SOX5: variants seen among roughly 807,000 people sequenced by gnomAD.
SOX5 encodes the protein transcription factor SOX-5.
SOX5 carries 9 observed loss-of-function variants against 92.0 expected under a neutral mutation model. The observed-to-expected ratio is 0.10, with a 90% CI of 0.06 to 0.17. SOX5 has a LOEUF of 0.17. Among genes scored for constraint, SOX5 ranks in the 10% least tolerant of loss-of-function variants. The pLI, the probability that SOX5 is intolerant of heterozygous loss-of-function variation, is 1.00. For synonymous variants in SOX5, 344 were observed against 336.3 expected, an observed-to-expected ratio of 1.02 and a Z score of -0.25; for missense variants, 642 against 944.5, an observed-to-expected ratio of 0.68 and a Z score of 4.20.
chr12:24,120,125 A>C (rs1244715099), intron 4 of SOX5, among the ~76,000 whole-genome samples: 2 of 152,160 alleles, frequency 1.3e-5, no homozygotes. Flanking sequence ...GATACTCTGA[A>C]CATTCTAGTA....
rs371480644 is a variant in SOX5, at chr12:23,600,522, C to CATATATATATATATATAT, written c.1164+3847_1164+3864dup. Among the ~76,000 whole-genome samples the CATATATATATATATATAT allele has an allele frequency of 9.1e-3, 360 of 39,660 alleles. 30 individuals carry two copies. The highest frequency in any genetic ancestry group is 0.014 in the African/African-American group (152 of 10,646). The allele number at this position is 39,660 out of a possible 152,430, so 26.0% of individuals were successfully genotyped here. A position where few individuals can be genotyped will look rare whatever the true frequency, so the allele number is the denominator to read the frequency against. On this transcript the variant is annotated intron_variant, in intron 9 of 14. Coordinates refer to ENST00000451604, the MANE Select transcript of SOX5 (RefSeq NM_006940.6). Reference sequence around the variant, plus strand: ...AAGATAGACCATGGCGGGGGGGGTGCATATATATATATATATATATATATA... The same window carrying CATATATATATATATATAT: ...AAGATAGACCATGGCGGGGGGGGTGCATATATATATATATATATATATATATATATATATATATATATA...
At chr12:23,585,414 G>T (rs1950584593) in intron 9 of SOX5, among the ~76,000 whole-genome samples, 1 of 152,156 alleles carries the variant, frequency 6.6e-6, no homozygotes, top group South Asian at 2.1e-4. Flanking sequence ...AACGTAACTT[G>T]AGACTTGACT....
chr12:24,356,721 C>G (rs1313668017), intron 2 of SOX5, among the ~76,000 whole-genome samples: 1 of 152,096 alleles, frequency 6.6e-6, no homozygotes, highest in African/African-American at 2.4e-5. Context: ...CAAATCTTTC[C>G]TTAATACTGA....
chr12:23,799,907 G>A (rs2095631545), intron 3 of SOX5, among the ~76,000 whole-genome samples: 1 of 151,858 alleles, frequency 6.6e-6, no homozygotes, highest in South Asian at 2.1e-4. Context: ...TTTCACAACA[G>A]GTAATAACCT....
At chr12:24,181,391 C>T (rs928662038) in intron 4 of SOX5, among the ~76,000 whole-genome samples, 2 of 152,130 alleles carry the variant, frequency 1.3e-5, no homozygotes, top group Non-Finnish European at 2.9e-5. Flanking sequence ...GATGACCAGG[C>T]TAAAATAAAT....
intron 2 of SOX5, among the ~76,000 whole-genome samples, chr12:24,279,850 T>C (rs914119682): frequency 6.6e-6 from 1 of 152,182 alleles, no homozygotes; most frequent in Admixed American, 6.6e-5. Context: ...ATTTGTTTTC[T>C]GACCCTCTGT....
At chr12:24,385,236 C>CA (rs557817484) in intron 1 of SOX5, among the ~76,000 whole-genome samples, 1 of 152,150 alleles carries the variant, frequency 6.6e-6, no homozygotes, top group African/African-American at 2.4e-5. Flanking sequence ...TACAATGGTG[C>CA]AAAACCATTC....
At chr12:24,470,140 G>A (rs990301238) in intron 1 of SOX5, among the ~76,000 whole-genome samples, 1 of 152,216 alleles carries the variant, frequency 6.6e-6, no homozygotes, top group Non-Finnish European at 1.5e-5. Flanking sequence ...AAGTACAGAT[G>A]ATGTAGAAAA....
At chr12:23,552,285 G>C (rs1342990895) in intron 11 of SOX5, among the ~76,000 whole-genome samples, 1 of 151,860 alleles carries the variant, frequency 6.6e-6, no homozygotes, top group Non-Finnish European at 1.5e-5. Context: ...AGAGGTTGTG[G>C]TAATGACAGG....
At chr12:24,068,586 T>C (rs1449142388) in intron 4 of SOX5, among the ~76,000 whole-genome samples, 2 of 151,182 alleles carry the variant, frequency 1.3e-5, no homozygotes, top group Admixed American at 6.6e-5. Context: ...AGAATGGAAG[T>C]TATTCATTTT....
At chr12:24,560,580 TG>T (rs1329915823) in intron 1 of SOX5, among the ~76,000 whole-genome samples, 4 of 152,218 alleles carry the variant, frequency 2.6e-5, no homozygotes, top group African/African-American at 9.6e-5. Flanking sequence ...CTTTGTTCCA[TG>T]TATCTGCATT....
chr12:23,556,985 C>T (rs1002392933), intron 11 of SOX5, among the ~76,000 whole-genome samples: 1 of 152,222 alleles, frequency 6.6e-6, no homozygotes, highest in African/African-American at 2.4e-5. Context: ...CACTTACTGC[C>T]ATTTGTAACT....
intron 10 of SOX5, among the ~76,000 whole-genome samples, chr12:23,566,469 T>G (rs1947115873): frequency 6.6e-6 from 1 of 152,212 alleles, no homozygotes; most frequent in Non-Finnish European, 1.5e-5. Context: ...GAATCTCATT[T>G]TAGCATTGTT....
In SOX5 at chr12:23,846,171, A is replaced by G. The variant is rs773793908; in HGVS notation, c.293T>C (p.Met98Thr). Residue 98 changes from methionine (M) to threonine (T), a missense_variant, in exon 3 of 15, where the codon ATG (methionine) becomes ACG (threonine). Physicochemically the swap from Met to Thr is moderately conservative, Grantham distance 81 (BLOSUM62 -1). This residue lies in a region of SOX5 where 113 missense variants were observed against 117.7 expected (regional missense o/e 0.96). Coordinates refer to ENST00000451604, the MANE Select transcript of SOX5 (RefSeq NM_006940.6). Reference protein sequence around the residue: ...NTMEVDGNKVMSSFAPHNSST... With the variant: ...NTMEVDGNKVTSSFAPHNSST... ...TGAGTTGTGTGGGGCAAATGAAGAC[A>G]TAACTTTATTGCCATCAACTTCCTG... The G allele has an allele frequency of 1.2e-5, 20 of 1,613,868 alleles. No individual in the cohort carries two copies.
At chr12:23,864,786 A>T (rs1423828300) in intron 2 of SOX5, among the ~76,000 whole-genome samples, 1 of 152,252 alleles carries the variant, frequency 6.6e-6, no homozygotes, top group Non-Finnish European at 1.5e-5. Context: ...ATGCAAAGTG[A>T]AGCAGAATGT....
chr12:24,398,101 C>T lies in SOX5; in HGVS notation c.-250-29462G>A, dbSNP rs191537508. On this transcript the variant is annotated intron_variant, in intron 1 of 4. Coordinates refer to the SOX5 transcript ENST00000446891. ...TCCTGACCTCACGATCCGCCCACCTCGGCCTCCCAAAGTGCTGGTATTACA... is the reference window on the plus strand; with the variant it reads ...TCCTGACCTCACGATCCGCCCACCTTGGCCTCCCAAAGTGCTGGTATTACA... 4.6e-3 allele frequency among the ~76,000 whole-genome samples: 699 copies of T among 152,270 alleles called. 7 individuals are homozygous for T. Among genetic ancestry groups the T allele is most frequent in the African/African-American group, 0.016 (660 of 41,570 alleles).
intron 8 of SOX5, among the ~76,000 whole-genome samples, chr12:23,618,949 C>G (rs1336331836): frequency 6.6e-6 from 1 of 152,140 alleles, no homozygotes; most frequent in East Asian, 1.9e-4. Context: ...GGGTTAAAGG[C>G]TTCAAGAGTG....
At chr12:24,507,131 C>G (rs1948873468) in intron 1 of SOX5, among the ~76,000 whole-genome samples, 1 of 152,036 alleles carries the variant, frequency 6.6e-6, no homozygotes, top group South Asian at 2.1e-4. Flanking sequence ...TAAAATTCTT[C>G]TTTACAACCC....
chr12:24,097,006 G>A (rs1945501945), intron 4 of SOX5, among the ~76,000 whole-genome samples: 1 of 152,088 alleles, frequency 6.6e-6, no homozygotes, highest in Admixed American at 6.6e-5. Flanking sequence ...GTGTTTGAGG[G>A]TTCTAATTTC....
Sources: gnomAD v4.1 joint callset for allele counts (sites outside exome capture counted in the v4.1 genomes callset) on GRCh38, gnomAD v4.1.1 for gene constraint, gnomAD v4.1.1 regional missense constraint, MANE v1.5 for transcripts, NCBI Gene and HGNC (gene_info 2026-07-23, HGNC 2026-07-21) for gene names.